The following SLC46A2 variants were observed in gnomAD, a reference collection of about 807,000 sequenced individuals.
SLC46A2 encodes the protein thymic stromal co-transporter.
In SLC46A2, 25 loss-of-function variants were observed where a neutral mutation model predicts 33.1. The ratio of observed to expected loss-of-function variants is 0.76; its 90% CI spans 0.55 to 1.06. The LOEUF is 1.06. Ranked by LOEUF, SLC46A2 falls within the 50% of genes least tolerant of loss-of-function variation. The probability of loss-of-function intolerance (pLI) is 0.00; values close to 1 mark genes in which losing one functional copy is unlikely to be tolerated. For missense variants in SLC46A2, 622 were observed against 621.7 expected (o/e 1.00, Z 0.00); for synonymous variants, 254 against 275.9 (o/e 0.92, Z 0.79).
At chr9:112,886,371 G>A in intron 3 of SLC46A2, 89 bp downstream of exon 3, 1 of 1,383,474 alleles carries the variant, frequency 7.2e-7, no homozygotes, top group Non-Finnish European at 1.0e-6. Flanking sequence ...AATAAATAAT[G>A]CAGTGATGGT....
intron 3 of SLC46A2, among the ~76,000 whole-genome samples, chr9:112,882,611 T>C (rs1841594243): frequency 6.6e-6 from 1 of 151,916 alleles, no homozygotes; most frequent in Non-Finnish European, 1.5e-5. Flanking sequence ...GGGGTAGCAG[T>C]AGAGATAAAA....
rs931268587 is a variant in SLC46A2 at position 112,879,154 on chromosome 9, AGG to A, written c.*606_*607del. The A allele has an allele frequency of 6.6e-6, 1 of 152,250 alleles. No individual in the cohort carries two copies. Among genetic ancestry groups the A allele is most frequent in the Non-Finnish European group, 1.5e-5 (1 of 68,052 alleles). The allele number at this position is 152,250 out of a possible 1,614,324, so 9.4% of individuals were successfully genotyped here. On this transcript the variant is annotated 3_prime_UTR_variant, in exon 4 of 4. Transcript: ENST00000374228. ...TAGTAACAAAACTACCCAGAAGACA[AGG>A]GCCTGAGCTCCATCCCCCTCCTGAG...
chr9:112,884,580 AT>A (rs151254363), intron 3 of SLC46A2, among the ~76,000 whole-genome samples: 9,557 of 152,294 alleles, frequency 0.063, 380 homozygotes, highest in Non-Finnish European at 0.094. Flanking sequence ...TGCACCGCAG[AT>A]TAATTGAGTC....
At chr9:112,885,440 G>GTATATATATATATGTGTA (rs1554759747) in intron 3 of SLC46A2, 29 of 147,550 alleles carry the variant, frequency 2.0e-4, no homozygotes, top group African/African-American at 6.5e-4. Context: ...ATATATATGT[G>GTATATATATATATGTGTA]TATATATATA....
chr9:112,890,232 G>C lies in SLC46A2; in HGVS notation c.450C>G (p.Ser150=). Reference sequence around the variant, plus strand: ...GCGCCATGACCCCGGACCAGAAGGCGGAGAAGCCGCCGAATAGCCCGTTCA... The same window carrying C: ...GCGCCATGACCCCGGACCAGAAGGCCGAGAAGCCGCCGAATAGCCCGTTCA... The part of the protein sequence containing the change: ...AALNGLFGGF[S]AFWSGVMALG... Residue 150 remains serine, a synonymous_variant, in exon 1 of 4, where the codon TCC becomes TCG. Transcript: ENST00000374228. This position sits in a 1 kb window ranked among gnomAD's most constrained non-coding sequence, Gnocchi z 6.0. The C allele has an allele frequency of 1.2e-6, 2 of 1,613,096 alleles. No individual in the cohort carries two copies. Among genetic ancestry groups the C allele is most frequent in the East Asian group, 2.2e-5 (1 of 44,884 alleles).
At position 112,883,178 on chromosome 9, in the gene SLC46A2, G is replaced by T. The variant is rs1346724923; in HGVS notation, c.1370+3282C>A. 2.0e-5 allele frequency among the ~76,000 whole-genome samples: 3 copies of T among 152,314 alleles called. No individual in the cohort carries two copies. The East Asian group carries it at 5.8e-4, about 29-fold the overall frequency. ...TGGAGTGAGAAGAAAGTGAATGGGA[G>T]TGGGGGAGTGAGACAGCACGTGCAG... On this transcript the variant is annotated intron_variant, in intron 3 of 3. Transcript: ENST00000374228.
chr9:112,888,628 G>A (rs1841677006), intron 1 of SLC46A2, among the ~76,000 whole-genome samples: 1 of 152,234 alleles, frequency 6.6e-6, no homozygotes, highest in Non-Finnish European at 1.5e-5. Flanking sequence ...AGAATGGATA[G>A]CAACTATTTC....
Position 112,889,933 on chromosome 9 carries a change from A to G in SLC46A2, c.749T>C (p.Val250Ala), listed in dbSNP as rs777772579. The change falls in exon 1 of 4, where the codon GTT (valine) becomes GCT (alanine). Residue 250 changes from valine (V) to alanine (A), a missense_variant. Transcript: ENST00000374228. The part of the protein sequence containing the change: ...LPAVDTVSGT[V>A]GTYRTLDPDQ... ...AGGATCCAGAGTGCGGTATGTGCCAACCGTGCCAGACACGGTATCCACGGC... is the reference window on the plus strand; with the variant it reads ...AGGATCCAGAGTGCGGTATGTGCCAGCCGTGCCAGACACGGTATCCACGGC... 4 of 1,614,066 alleles carry G rather than the reference A, an allele frequency of 2.5e-6. No individual in the cohort carries two copies. In the East Asian group the frequency reaches 8.9e-5, roughly 36 times the overall value.
chr9:112,889,484 A>G (rs1278239062), intron 1 of SLC46A2, 69 bp downstream of exon 1: 2 of 1,494,554 alleles, frequency 1.3e-6, no homozygotes, highest in Admixed American at 4.1e-5. Flanking sequence ...AGACCATGGC[A>G]TCCCTGGTGT....
chr9:112,884,214 A>G (rs146323350), intron 3 of SLC46A2, among the ~76,000 whole-genome samples: 126 of 152,364 alleles, frequency 8.3e-4, no homozygotes, highest in Admixed American at 2.0e-3. Context: ...TGGGATTGCA[A>G]ACAGGCTGGG....
intron 1 of SLC46A2, among the ~76,000 whole-genome samples, chr9:112,888,559 C>T (rs1445503634): frequency 6.6e-6 from 1 of 152,160 alleles, no homozygotes; most frequent in East Asian, 1.9e-4. Context: ...TCTTTAGTTG[C>T]GCTAGCTACA....
chr9:112,887,672 T>C (rs548497208), intron 1 of SLC46A2, among the ~76,000 whole-genome samples: 1 of 152,304 alleles, frequency 6.6e-6, no homozygotes, highest in African/African-American at 2.4e-5. Flanking sequence ...GATGGTGAAA[T>C]GTGTCTTTAC....
Position 112,890,702 on chromosome 9 carries a change from C to A in SLC46A2, c.-21G>T. ...CTCATGTGACCTCTCTGATGGGGAT[C>A]GAAGGGCTTTCTGGCTGCAGTGACA... On this transcript the variant is annotated 5_prime_UTR_variant, in exon 1 of 4. Transcript: ENST00000374228. This position sits in a 1 kb window ranked among gnomAD's most constrained non-coding sequence, Gnocchi z 6.0. The A allele has an allele frequency of 6.4e-7, 1 of 1,574,602 alleles. No individual in the cohort carries two copies. The highest frequency in any genetic ancestry group is 8.6e-7 in the Non-Finnish European group (1 of 1,166,840).
chr9:112,890,194 C>G lies in SLC46A2; in HGVS notation c.488G>C (p.Gly163Ala), dbSNP rs1180535599. ...WSGVMALGSL[G>A]SSEGRRSVRL... Reference sequence around the variant, plus strand: ...CACAGAGCGGCGGCCCTCGGAGGAGCCCAGCGATCCCAGCGCCATGACCCC... The same window carrying G: ...CACAGAGCGGCGGCCCTCGGAGGAGGCCAGCGATCCCAGCGCCATGACCCC... The change falls in exon 1 of 4, where the codon GGC becomes GCC. Residue 163 changes from glycine (G) to alanine (A), a missense_variant. Gly to Ala is a moderately conservative substitution (Grantham distance 60, BLOSUM62 0). Transcript: ENST00000374228. The surrounding 1 kb of genome is among the most constrained non-coding windows in gnomAD (Gnocchi z 6.0). 2 of 1,612,894 alleles carry G rather than the reference C, an allele frequency of 1.2e-6. No homozygotes were observed. The highest frequency in any genetic ancestry group is 3.3e-5 in the Admixed American group (2 of 60,016).
intron 3 of SLC46A2, chr9:112,880,161 A>G (rs1343636804): frequency 1.7e-5 from 3 of 177,788 alleles, no homozygotes; most frequent in South Asian, 1.7e-4. Context: ...TGAAACCCCA[A>G]CTCTACTAAA....
At chr9:112,880,056 C>A (rs1022009663) in intron 3 of SLC46A2, 1 of 414,250 alleles carries the variant, frequency 2.4e-6, no homozygotes, top group South Asian at 4.8e-5. Context: ...GGGGGCCAGG[C>A]ATGGTGGCTT....
chr9:112,890,496 G>A lies in SLC46A2; in HGVS notation c.186C>T (p.Pro62=). The A allele has an allele frequency of 6.2e-7, 1 of 1,614,204 alleles. No homozygotes were observed. The highest frequency in any genetic ancestry group is 8.5e-7 in the Non-Finnish European group (1 of 1,180,038). The change falls in exon 1 of 4, where the codon CCC becomes CCT. Residue 62 remains proline, a synonymous_variant. Transcript: ENST00000374228. The surrounding 1 kb of genome is among the most constrained non-coding windows in gnomAD (Gnocchi z 6.0). ...GSSNHSASPS[P]RGALEDQQQR... ...GCTGTTGGTCCTCTAGAGCCCCCCG[G>A]GGCGATGGGCTGGCACTGTGGTTGG...
Position 112,880,726 on chromosome 9 carries a change from G to A in SLC46A2, c.1371-907C>T, listed in dbSNP as rs1178895216. Among the ~76,000 whole-genome samples the A allele has an allele frequency of 2.6e-5, 4 of 152,190 alleles. No homozygotes were observed. The South Asian group carries it at 8.3e-4, about 31-fold the overall frequency. On this transcript the variant is annotated intron_variant, in intron 3 of 3. Coordinates refer to ENST00000374228, the MANE Select transcript of SLC46A2 (RefSeq NM_033051.4). ...ATGGGCAATTGAACTTGGTGGTCCT[G>A]TAACAAAGGGTGTGCCTTTTCCTCT...
intron 1 of SLC46A2, among the ~76,000 whole-genome samples, chr9:112,888,674 C>T (rs1470234456): frequency 2.6e-5 from 4 of 152,186 alleles, no homozygotes; most frequent in Non-Finnish European, 5.9e-5. Flanking sequence ...GCATTCATCT[C>T]GAGCTTTCTG....
Sources: gnomAD v4.1 joint callset for allele counts (sites outside exome capture counted in the v4.1 genomes callset) on GRCh38, gnomAD v4.1.1 for gene constraint, Gnocchi (gnomAD v3.1) non-coding constraint, MANE v1.5 for transcripts, NCBI Gene and HGNC (gene_info 2026-07-23, HGNC 2026-07-21) for gene names.